Variants in FAM98B observed in about 807,000 individuals in gnomAD.
FAM98B encodes the protein tRNA-splicing ligase complex subunit FAM98B.
Under a neutral mutation model 43.9 loss-of-function variants are expected in FAM98B, and 32 were observed. That is an observed-to-expected ratio of 0.73 (90% CI 0.55 to 0.98). The LOEUF (loss-of-function observed/expected upper bound fraction) is 0.98. Ranked by LOEUF, FAM98B falls within the 50% of genes least tolerant of loss-of-function variation. The probability of loss-of-function intolerance (pLI) is 0.00; values close to 1 mark genes in which losing one functional copy is unlikely to be tolerated. For synonymous variants in FAM98B, 190 were observed against 174.0 expected (o/e 1.09, Z -0.72); for missense variants, 514 against 522.9 (o/e 0.98, Z 0.17).
At chr15:38,471,610 G>T (rs1890131461) in intron 4 of FAM98B, among the ~76,000 whole-genome samples, 1 of 152,044 alleles carries the variant, frequency 6.6e-6, no homozygotes, top group South Asian at 2.1e-4. Context: ...TAAGGTAGTT[G>T]TTACTATGGC....
intron 4 of FAM98B, among the ~76,000 whole-genome samples, 180 bp from the exon 5 acceptor site, chr15:38,473,325 A>G (rs1890152466): frequency 6.6e-6 from 1 of 152,074 alleles, no homozygotes; most frequent in Non-Finnish European, 1.5e-5. Flanking sequence ...AATGAATATA[A>G]TGTGCTTTTT....
intron 4 of FAM98B, among the ~76,000 whole-genome samples, chr15:38,471,498 T>C (rs1890130045): frequency 6.6e-6 from 1 of 152,088 alleles, no homozygotes; most frequent in African/African-American, 2.4e-5. Flanking sequence ...AAGAGGCTAT[T>C]CCATTTTATG....
intron 4 of FAM98B, among the ~76,000 whole-genome samples, chr15:38,472,130 A>G (rs2141058095): frequency 6.6e-6 from 1 of 152,150 alleles, no homozygotes; most frequent in East Asian, 1.9e-4. Flanking sequence ...TTACTCTATA[A>G]CAAGTGATTT....
chr15:38,465,458 CAA>C, intron 3 of FAM98B, 55 bp downstream of exon 3: 2 of 1,462,452 alleles, frequency 1.4e-6, no homozygotes, highest in Non-Finnish European at 1.8e-6. Context: ...TTATTATTTT[CAA>C]GTCAAGATTT....
At chr15:38,475,204 TG>T (rs1455139187) in intron 6 of FAM98B, among the ~76,000 whole-genome samples, 3 of 151,986 alleles carry the variant, frequency 2.0e-5, no homozygotes, top group Admixed American at 1.3e-4. Context: ...CATGGAGGGT[TG>T]GGGGGCAGGG....
rs189487818 is a variant in FAM98B at position 38,457,215 on chromosome 15, G to T, written c.71+2983G>T. ...AAAAATTTTTTAGATACAGGGTCTT[G>T]TTATGATACCCGGGCTAGTCTTGAA... On this transcript the variant is annotated intron_variant, in intron 1 of 7. Transcript: ENST00000397609. Among the ~76,000 whole-genome samples, 365 of 152,240 alleles carry T rather than the reference G, an allele frequency of 2.4e-3. 4 individuals carry two copies. Among genetic ancestry groups the T allele is most frequent in the Admixed American group, 0.023 (346 of 15,292 alleles).
At chr15:38,477,810 A>G (rs1369497884) in intron 6 of FAM98B, among the ~76,000 whole-genome samples, 1 of 152,194 alleles carries the variant, frequency 6.6e-6, no homozygotes, top group Non-Finnish European at 1.5e-5. Flanking sequence ...TGTGTATTTC[A>G]TTGGAGTAAC....
intron 1 of FAM98B, chr15:38,458,678 C>T (rs529487412): frequency 3.0e-4 from 59 of 198,634 alleles, no homozygotes; most frequent in African/African-American, 1.3e-3. Flanking sequence ...TCACTCTGTC[C>T]GTCAGGTGAT....
chr15:38,483,184 G>T (rs950146131), intron 7 of FAM98B: 2 of 152,126 alleles, frequency 1.3e-5, no homozygotes, highest in African/African-American at 4.8e-5. Context: ...GTCCAGAGTT[G>T]TTATTGTATA....
At chr15:38,458,231 T>G (rs1250813801) in intron 1 of FAM98B, among the ~76,000 whole-genome samples, 2 of 152,078 alleles carry the variant, frequency 1.3e-5, no homozygotes, top group Non-Finnish European at 2.9e-5. Flanking sequence ...TTCCCAGAAA[T>G]GTCTTATTTT....
In FAM98B at chr15:38,481,442, G is replaced by A. The variant is rs112596936; in HGVS notation, c.880G>A (p.Ala294Thr). The A allele has an allele frequency of 7.4e-6, 12 of 1,614,044 alleles. No homozygotes were observed. The highest frequency in any genetic ancestry group is 2.7e-5 in the African/African-American group (2 of 74,934). Residue 294 changes from alanine (A) to threonine (T), a missense_variant, in exon 7 of 8, where the codon GCA becomes ACA. Ala to Thr is a moderately conservative substitution (Grantham distance 58). Around this residue, in one of 2 missense-constraint regions of FAM98B, gnomAD observed 469 missense variants for 451.8 expected, o/e 1.04. Transcript: ENST00000397609. Reference protein sequence around the residue: ...TSSGTSREKTACAINKVLMGR... With the variant: ...TSSGTSREKTTCAINKVLMGR... ...TAGTGGCACCAGCCGGGAGAAGACC[G>A]CATGTGCCATTAATAAGGTTGGTGT... is the stretch of plus-strand genomic sequence containing the variant.
At chr15:38,460,876 G>A (rs557484912) in intron 1 of FAM98B, among the ~76,000 whole-genome samples, 1 of 152,074 alleles carries the variant, frequency 6.6e-6, no homozygotes, top group Non-Finnish European at 1.5e-5. Context: ...ACCTTATAGG[G>A]TATTGTGGCA....
intron 1 of FAM98B, among the ~76,000 whole-genome samples, chr15:38,459,833 G>T (rs187753581): frequency 2.0e-5 from 3 of 152,206 alleles, no homozygotes; most frequent in African/African-American, 2.4e-5. Context: ...AACAAGAGAG[G>T]AATAATCTTT....
intron 4 of FAM98B, among the ~76,000 whole-genome samples, chr15:38,473,107 A>G (rs1220760574): frequency 6.6e-6 from 1 of 152,192 alleles, no homozygotes; most frequent in East Asian, 1.9e-4. Flanking sequence ...ATGTGTACAT[A>G]GCATTTATTT....
intron 1 of FAM98B, among the ~76,000 whole-genome samples, chr15:38,456,148 A>C (rs909682035): frequency 6.6e-6 from 1 of 152,220 alleles, no homozygotes; most frequent in Non-Finnish European, 1.5e-5. Flanking sequence ...TGAAAGGACA[A>C]TTTAGTGATA....
chr15:38,454,202 G>T lies in FAM98B; in HGVS notation c.41G>T (p.Gly14Val). 3 of 1,604,520 alleles carry T rather than the reference G, an allele frequency of 1.9e-6. No individual in the cohort carries two copies. The highest frequency in any genetic ancestry group is 2.5e-6 in the Non-Finnish European group (3 of 1,176,734). The change falls in exon 1 of 8, where the codon GGA becomes GTA. Residue 14 changes from glycine to valine, a missense_variant. Physicochemically the swap from Gly to Val is moderately radical, Grantham distance 109 (BLOSUM62 -3). Coordinates refer to ENST00000397609, the MANE Select transcript of FAM98B (RefSeq NM_173611.4). ...CCGGGTCCCCAACCGACGATGGAGGGAGACGTGCTGGACACACTGGAGGCG... is the reference window on the plus strand; with the variant it reads ...CCGGGTCCCCAACCGACGATGGAGGTAGACGTGCTGGACACACTGGAGGCG... ...PEPGPQPTME[G>V]DVLDTLEALG...
intron 6 of FAM98B, among the ~76,000 whole-genome samples, chr15:38,476,111 T>C (rs1330468746): frequency 6.6e-6 from 1 of 152,204 alleles, no homozygotes; most frequent in Non-Finnish European, 1.5e-5. Flanking sequence ...TTTGTCAATC[T>C]CTTTGCATTT....
intron 2 of FAM98B, 151 bp from the exon 3 acceptor site, chr15:38,465,118 G>C: frequency 1.6e-6 from 1 of 630,104 alleles, no homozygotes; most frequent in Non-Finnish European, 2.5e-6. Flanking sequence ...TACTATTTCA[G>C]TTGTTAACGT....
chr15:38,465,780 C>T (rs1243055737), intron 3 of FAM98B, among the ~76,000 whole-genome samples: 6 of 152,024 alleles, frequency 3.9e-5, no homozygotes, highest in Non-Finnish European at 7.4e-5. Context: ...TTGTTGATCA[C>T]TTACTCTAAC....
Sources: allele counts gnomAD v4.1 joint callset (sites outside exome capture counted in the v4.1 genomes callset), GRCh38; gene constraint gnomAD v4.1.1; regional missense constraint gnomAD v4.1.1; transcripts MANE v1.5; gene names NCBI Gene and HGNC (gene_info 2026-07-23, HGNC 2026-07-21).